VPS13A: variants seen among roughly 807,000 people sequenced by gnomAD.
VPS13A encodes the protein vacuolar protein sorting 13 homolog A.
A neutral mutation model predicts 390.9 loss-of-function variants in VPS13A; 264 were observed. The ratio of observed to expected loss-of-function variants is 0.68; its 90% confidence interval spans 0.61 to 0.75. The LOEUF (loss-of-function observed/expected upper bound fraction) is 0.75, where lower values mean the gene tolerates loss of function less well. Among genes scored for constraint, VPS13A ranks in the 30% least tolerant of loss-of-function variants. The probability of loss-of-function intolerance (pLI) is 0.00; values close to 1 mark genes in which losing one functional copy is unlikely to be tolerated. For missense variants in VPS13A, 3,409 were observed against 3,733.9 expected (o/e 0.91, Z 2.27); for synonymous variants, 1,231 against 1,227.1 (o/e 1.00, Z -0.07).
intron 22 of VPS13A, 82 bp downstream of exon 22, chr9:77,252,434 C>G: frequency 1.8e-6 from 2 of 1,112,768 alleles, no homozygotes; most frequent in Non-Finnish European, 2.8e-6. Flanking sequence ...ACTGACTCTT[C>G]CTTGTGTGTG....
rs375193801 is a variant in VPS13A, at chr9:77,358,421, C to T, written c.8018C>T (p.Ser2673Leu). The change falls in exon 57 of 72, where the codon TCG (serine) becomes TTG (leucine). Residue 2673 changes from serine (S) to leucine (L), a missense_variant. By Grantham distance (145) the Ser-to-Leu change is moderately radical (BLOSUM62 -2). This residue lies in a region of VPS13A where 221 missense variants were observed against 300.7 expected (regional missense o/e 0.73). Transcript: ENST00000360280. ...TTTTATCCTGTTAAACCTCCAAAGT[C>T]GGTCACCATGGATTCAGGTTTGTTT... is the stretch of plus-strand genomic sequence containing the variant. Reference protein sequence around the residue: ...FVFYPVKPPKSVTMDSAPKPF... With the variant: ...FVFYPVKPPKLVTMDSAPKPF... 39 of 1,613,120 alleles carry T rather than the reference C, an allele frequency of 2.4e-5. 1 individual carries two copies. The highest frequency in any genetic ancestry group is 9.4e-5 in the African/African-American group (7 of 74,864).
At chr9:77,281,796 A>G in intron 27 of VPS13A, 71 bp from the exon 28 acceptor site, 1 of 908,514 alleles carries the variant, frequency 1.1e-6, no homozygotes, top group East Asian at 2.5e-5. Context: ...AATGTGTATT[A>G]GGACTATAAT....
rs115321494 is a variant in VPS13A at position 77,214,864 on chromosome 9, A to G, written c.754+478A>G. Reference sequence around the variant, plus strand: ...TGAATTACTAAAACAGAAAGAAAAAAATCAGTGCTGTTTCTCAGTTTCCCA... The same window carrying G: ...TGAATTACTAAAACAGAAAGAAAAAGATCAGTGCTGTTTCTCAGTTTCCCA... On this transcript the variant is annotated intron_variant, in intron 10 of 71. Transcript: ENST00000360280. Among the ~76,000 whole-genome samples the G allele has an allele frequency of 5.8e-3, 876 of 152,324 alleles. 8 individuals carry two copies. Among genetic ancestry groups the G allele is most frequent in the Middle Eastern group, 0.02 (6 of 294 alleles).
At chr9:77,352,763 A>C (rs1831541290) in intron 53 of VPS13A, among the ~76,000 whole-genome samples, 1 of 152,108 alleles carries the variant, frequency 6.6e-6, no homozygotes, top group Non-Finnish European at 1.5e-5. Flanking sequence ...GTAACAACTC[A>C]CAGTTTTTAA....
intron 17 of VPS13A, among the ~76,000 whole-genome samples, chr9:77,228,885 A>G (rs1240402735): frequency 1.3e-5 from 2 of 151,986 alleles, no homozygotes; most frequent in Non-Finnish European, 2.9e-5. Flanking sequence ...CCTGCTAAAA[A>G]CCATCAGATC....
intron 23 of VPS13A, among the ~76,000 whole-genome samples, chr9:77,268,544 CCTT>C (rs981471372): frequency 6.6e-6 from 1 of 152,082 alleles, no homozygotes; most frequent in African/African-American, 2.4e-5. Flanking sequence ...AAATCACTGG[CCTT>C]CTGCATTGAT....
intron 68 of VPS13A, among the ~76,000 whole-genome samples, chr9:77,391,402 C>A (rs1034575212): frequency 6.6e-6 from 1 of 152,190 alleles, no homozygotes; most frequent in African/African-American, 2.4e-5. Context: ...CATGCAAAAT[C>A]AGATTAGAGG....
At chr9:77,281,200 G>A (rs533225512) in intron 27 of VPS13A, among the ~76,000 whole-genome samples, 5 of 152,254 alleles carry the variant, frequency 3.3e-5, no homozygotes, top group African/African-American at 9.6e-5. Context: ...CAGATAGACA[G>A]GAAGAATAAT....
chr9:77,221,267 C>T lies in VPS13A; in HGVS notation c.1072C>T (p.His358Tyr), dbSNP rs1040147781. 1.2e-6 allele frequency: 2 copies of T among 1,613,156 alleles called. No individual in the cohort carries two copies. Among genetic ancestry groups the T allele is most frequent in the African/African-American group, 2.7e-5 (2 of 74,812 alleles). The stretch of plus-strand genomic sequence containing the variant: ...GTGGTCATGGAAGCATATTAGAAAA[C>T]ATAGGCAAAAAGTGAAGCAATATAA... ...WMWSWKHIRK[H>Y]RQKVKQYKEL... The change falls in exon 13 of 72, where the codon CAT (histidine) becomes TAT (tyrosine). Residue 358 changes from histidine (H) to tyrosine (Y), a missense_variant. By Grantham distance (83) the His-to-Tyr change is moderately conservative. Transcript: ENST00000360280.
intron 59 of VPS13A, among the ~76,000 whole-genome samples, chr9:77,362,452 CAT>C (rs1276589194): frequency 1.3e-5 from 2 of 152,226 alleles, no homozygotes; most frequent in South Asian, 2.1e-4. Context: ...TAACAACACA[CAT>C]GTGATTTTAT....
In VPS13A at chr9:77,357,694, T is replaced by C. The variant is rs141811863; in HGVS notation, c.7809T>C (p.Val2603=). The C allele has an allele frequency of 1.9e-6, 3 of 1,613,702 alleles. No homozygotes were observed. In the African/African-American group the frequency reaches 4.0e-5, roughly 22 times the overall value. The change falls in exon 56 of 72, where the codon GTT becomes GTC. Residue 2603 remains valine (V), a splice_region_variant and synonymous_variant. Transcript: ENST00000360280. ...ATTTGGGGGGACATATTTTTCAGGTTCGCCTAACCCCTACTGGTCATAACA... is the reference window on the plus strand; with the variant it reads ...ATTTGGGGGGACATATTTTTCAGGTCCGCCTAACCCCTACTGGTCATAACA... ...KVIQLDTNVP[V]RLTPTGHNMK...
chr9:77,312,148 A>G (rs1829109483), intron 35 of VPS13A, among the ~76,000 whole-genome samples: 1 of 152,186 alleles, frequency 6.6e-6, no homozygotes. Context: ...GAAGACAGTA[A>G]TAAAAATAAT....
intron 23 of VPS13A, among the ~76,000 whole-genome samples, chr9:77,261,030 T>C (rs748929587): frequency 1.4e-4 from 21 of 152,132 alleles, no homozygotes; most frequent in Non-Finnish European, 2.2e-4. Flanking sequence ...CCTGAGTGGC[T>C]GGGATTACAG....
intron 71 of VPS13A, among the ~76,000 whole-genome samples, chr9:77,410,616 A>G (rs565235834): frequency 5.7e-4 from 87 of 152,350 alleles, no homozygotes; most frequent in African/African-American, 2.0e-3. Context: ...AAGCAAATGG[A>G]AAACAAAAAA....
At chr9:77,412,988 AT>A (rs1420374115) in intron 71 of VPS13A, among the ~76,000 whole-genome samples, 1 of 152,240 alleles carries the variant, frequency 6.6e-6, no homozygotes, top group Non-Finnish European at 1.5e-5. Flanking sequence ...GTGAACTCCC[AT>A]TCACAATTGC....
intron 35 of VPS13A, among the ~76,000 whole-genome samples, chr9:77,309,319 TAA>T (rs942839579): frequency 2.0e-5 from 3 of 152,198 alleles, no homozygotes; most frequent in South Asian, 2.1e-4. Context: ...TGATAAAACT[TAA>T]GAGTGATGTT....
intron 14 of VPS13A, 96 bp from the exon 15 acceptor site, chr9:77,226,370 T>C: frequency 1.7e-6 from 2 of 1,169,880 alleles, no homozygotes; most frequent in Non-Finnish European, 2.5e-6. Context: ...TTCATTTTGC[T>C]CAAGAGGATA....
intron 20 of VPS13A, among the ~76,000 whole-genome samples, chr9:77,248,419 C>G (rs1824954875): frequency 1.3e-5 from 2 of 151,808 alleles, no homozygotes; most frequent in South Asian, 4.2e-4. Flanking sequence ...TGGGTTTCAC[C>G]ATGTTAGCCA....
chr9:77,375,565 G>T lies in VPS13A; in HGVS notation c.9077+4416G>T, dbSNP rs113328424. On this transcript the variant is annotated intron_variant, in intron 67 of 71. Coordinates refer to ENST00000360280, the MANE Select transcript of VPS13A (RefSeq NM_033305.3). ...AATGATAAAAAGAACTAAGTAGGAAGATAGTAACAATTTCAAACTTCTACT... is the reference window on the plus strand; with the variant it reads ...AATGATAAAAAGAACTAAGTAGGAATATAGTAACAATTTCAAACTTCTACT... Among the ~76,000 whole-genome samples, 1,261 of 152,252 alleles carry T rather than the reference G, an allele frequency of 8.3e-3. 9 individuals carry two copies. Among genetic ancestry groups the T allele is most frequent in the Non-Finnish European group, 0.015 (991 of 67,998 alleles).
Sources: gnomAD v4.1 joint callset for allele counts (sites outside exome capture counted in the v4.1 genomes callset) on GRCh38, gnomAD v4.1.1 for gene constraint, gnomAD v4.1.1 regional missense constraint, MANE v1.5 for transcripts, NCBI Gene and HGNC (gene_info 2026-07-23, HGNC 2026-07-21) for gene names.